TONSL: variants seen among roughly 807,000 people sequenced by gnomAD.
TONSL encodes the protein tonsoku-like protein.
In TONSL, 112 loss-of-function variants were observed where a neutral mutation model predicts 147.1. The ratio of observed to expected loss-of-function variants is 0.76; its 90% CI spans 0.65 to 0.89. The LOEUF (loss-of-function observed/expected upper bound fraction) is 0.89, where lower values mean the gene tolerates loss of function less well. TONSL is among the 40% of genes least tolerant of loss of function. The pLI, the probability that TONSL is intolerant of heterozygous loss-of-function variation, is 0.00. For synonymous variants in TONSL, 868 were observed against 801.5 expected (o/e 1.08, Z -1.40); for missense variants, 1,883 against 1,864.6 (o/e 1.01, Z -0.18).
chr8:144,433,065 C>T (rs1554879050), intron 22 of TONSL: 1 of 156,172 alleles, frequency 6.4e-6, no homozygotes, highest in Non-Finnish European at 1.4e-5. Context: ...GTCTGGCATC[C>T]CAGGCCCCTA....
chr8:144,432,311 C>T lies in TONSL; in HGVS notation c.3709G>A (p.Glu1237Lys). ...TTGGCCAGGTATCGGAATACAGGCT[C>T]CATGAGGTCCGAATCACCCTTGCCG... is the stretch of plus-strand genomic sequence containing the variant. ...AAGKGDSDLM[E>K]PVFRYLAKEG... Residue 1237 changes from glutamate (E) to lysine (K), a missense_variant, in exon 23 of 26, where the codon GAG becomes AAG. Glu to Lys is a moderately conservative substitution (Grantham distance 56). Coordinates refer to ENST00000409379, the MANE Select transcript of TONSL (RefSeq NM_013432.5). The T allele has an allele frequency of 6.2e-7, 1 of 1,613,794 alleles. No homozygotes were observed.
At chr8:144,442,583 C>T in intron 5 of TONSL, 94 bp downstream of exon 5, 1 of 1,529,180 alleles carries the variant, frequency 6.5e-7, no homozygotes, top group South Asian at 1.2e-5. Flanking sequence ...AGCCAGACTG[C>T]TCTCTCAGGA....
intron 24 of TONSL, among the ~76,000 whole-genome samples, 178 bp downstream of exon 24, chr8:144,430,900 G>A (rs1485147024): frequency 1.3e-5 from 2 of 152,258 alleles, no homozygotes; most frequent in African/African-American, 4.8e-5. Flanking sequence ...TAAGAAAGAA[G>A]CCAGAGGGTA....
intron 8 of TONSL, 44 bp downstream of exon 8, chr8:144,440,922 C>G: frequency 1.9e-6 from 3 of 1,612,704 alleles, no homozygotes; most frequent in Non-Finnish European, 2.5e-6. Flanking sequence ...CAGGCCTCGT[C>G]AACCTCACTG....
Position 144,435,930 on chromosome 8 carries a change from A to C in TONSL, c.2503T>G (p.Trp835Gly). Residue 835 changes from tryptophan to glycine, a missense_variant, in exon 17 of 26, where the codon TGG (tryptophan) becomes GGG (glycine). Transcript: ENST00000409379. ...IPEEECLAGDWLELDMPLTRS... is the reference protein window; with the variant it reads ...IPEEECLAGDGLELDMPLTRS... Reference sequence around the variant, plus strand: ...GTCAGGGGCATGTCCAGCTCCAGCCAGTCCCCGGCCAGGCACTCCTCCTCC... The same window carrying C: ...GTCAGGGGCATGTCCAGCTCCAGCCCGTCCCCGGCCAGGCACTCCTCCTCC... The C allele has an allele frequency of 6.3e-7, 1 of 1,575,756 alleles. No homozygotes were observed. Among genetic ancestry groups the C allele is most frequent in the Non-Finnish European group, 8.6e-7 (1 of 1,157,740 alleles).
intron 16 of TONSL, 41 bp from the exon 17 acceptor site, chr8:144,436,459 C>A: frequency 6.5e-7 from 1 of 1,539,808 alleles, no homozygotes; most frequent in Non-Finnish European, 8.7e-7. Context: ...GGGCCCGGCA[C>A]CTCCCGCTCC....
At position 144,432,271 on chromosome 8, in the gene TONSL, TC is replaced by T; in HGVS notation, c.3735+13del. The T allele has an allele frequency of 1.9e-6, 3 of 1,612,374 alleles. No homozygotes were observed. Among genetic ancestry groups the T allele is most frequent in the Admixed American group, 3.4e-5 (2 of 59,674 alleles). On this transcript the variant is annotated intron_variant, in intron 23 of 25. Coordinates refer to ENST00000409379, the MANE Select transcript of TONSL (RefSeq NM_013432.5). ...TGAGGCTCAGTATTTTCTGGGTTCT[TC>T]CCCACCTCGTACCTTGGCCAGGTAT...
chr8:144,434,644 C>T (rs1823357540), intron 20 of TONSL, among the ~76,000 whole-genome samples, 167 bp downstream of exon 20: 1 of 152,194 alleles, frequency 6.6e-6, no homozygotes, highest in African/African-American at 2.4e-5. Context: ...GAGGGCTGTC[C>T]TCTCCCTTCC....
chr8:144,434,245 G>C lies in TONSL; in HGVS notation c.3120C>G (p.Leu1040=). The C allele has an allele frequency of 6.5e-7, 1 of 1,527,976 alleles. No individual in the cohort carries two copies. The highest frequency in any genetic ancestry group is 8.8e-7 in the Non-Finnish European group (1 of 1,135,694). 94.7% of individuals were successfully genotyped at this position (1,527,976 alleles called of 1,614,324 possible). The part of the protein sequence containing the change: ...EHQQVLQAVE[L]QGLGLSFSAC... ...CGCTGAACGAGAGGCCCAAGCCCTG[G>C]AGCTCCACGGCCTGCAGCACCTGTT... Residue 1040 remains leucine, a synonymous_variant, in exon 21 of 26, where the codon CTC becomes CTG. Coordinates refer to ENST00000409379, the MANE Select transcript of TONSL (RefSeq NM_013432.5).
At position 144,443,210 on chromosome 8, in the gene TONSL, A is replaced by G. The variant is rs1354381915; in HGVS notation, c.376T>C (p.Ser126Pro). 1 of 1,550,756 alleles carries G rather than the reference A, an allele frequency of 6.4e-7. No individual in the cohort carries two copies. Among genetic ancestry groups the G allele is most frequent in the Non-Finnish European group, 8.7e-7 (1 of 1,146,956 alleles). The change falls in exon 4 of 26, where the codon TCG becomes CCG. Residue 126 changes from serine (S) to proline (P), a missense_variant. Transcript: ENST00000409379. The part of the protein sequence containing the change: ...THLDIYDHCQ[S>P]RDALLQAQAA... ...TGTGCCTGCAGCAAAGCATCCCTCG[A>G]CTGGCAGTGGTCATAGATGTCCAGG...
chr8:144,434,200 G>A lies in TONSL; in HGVS notation c.3165C>T (p.Asp1055=), dbSNP rs371974054. The A allele has an allele frequency of 7.3e-5, 116 of 1,585,372 alleles. No individual in the cohort carries two copies. Among genetic ancestry groups the A allele is most frequent in the Non-Finnish European group, 9.7e-5 (113 of 1,162,782 alleles). Residue 1055 remains aspartate (D), a synonymous_variant, in exon 21 of 26, where the codon GAC becomes GAT. Transcript: ENST00000409379. ...GCAGCAGGGGTGTAAGCTGGGCCTGGTCCAGGGCCAGGGAGCAGGCGCTGA... is the reference window on the plus strand; with the variant it reads ...GCAGCAGGGGTGTAAGCTGGGCCTGATCCAGGGCCAGGGAGCAGGCGCTGA... ...LSFSACSLAL[D]QAQLTPLLRA...
chr8:144,434,944 G>C, intron 19 of TONSL, 55 bp from the exon 20 acceptor site: 1 of 1,611,844 alleles, frequency 6.2e-7, no homozygotes, highest in South Asian at 1.1e-5. Flanking sequence ...CCTCATCATT[G>C]CTCTGCAGCC....
At chr8:144,432,034 G>T (rs1823221928) in intron 23 of TONSL, among the ~76,000 whole-genome samples, 1 of 151,698 alleles carries the variant, frequency 6.6e-6, no homozygotes, top group Non-Finnish European at 1.5e-5. Flanking sequence ...CACCATGTTG[G>T]CCAGGCTGCT....
chr8:144,429,247 A>G lies in TONSL; in HGVS notation c.4033T>C (p.Cys1345Arg), dbSNP rs1554878047. The G allele has an allele frequency of 6.5e-7, 1 of 1,531,546 alleles. No individual in the cohort carries two copies. Among genetic ancestry groups the G allele is most frequent in the Admixed American group, 2.0e-5 (1 of 50,464 alleles). 94.9% of individuals were successfully genotyped at this position (1,531,546 alleles called of 1,614,324 possible). A position where few individuals can be genotyped will look rare whatever the true frequency, so the allele number is the denominator to read the frequency against. ...RELQLCSRRL[C>R]AEDRDALRQL... ...CGCAGGGCGTCCCTGTCCTCAGCGCAGAGGCGTCTGCTGCACAGCTGCAGT... is the reference window on the plus strand; with the variant it reads ...CGCAGGGCGTCCCTGTCCTCAGCGCGGAGGCGTCTGCTGCACAGCTGCAGT... The change falls in exon 26 of 26, where the codon TGC becomes CGC. Residue 1345 changes from cysteine to arginine, a missense_variant. Coordinates refer to ENST00000409379, the MANE Select transcript of TONSL (RefSeq NM_013432.5).
At chr8:144,443,418 G>T in intron 3 of TONSL, 97 bp from the exon 4 acceptor site, 1 of 1,261,254 alleles carries the variant, frequency 7.9e-7, no homozygotes, top group Non-Finnish European at 1.1e-6. Flanking sequence ...TAAGGAAAGA[G>T]CCTGCTCCCC....
chr8:144,432,394 G>A lies in TONSL; in HGVS notation c.3626C>T (p.Thr1209Ile). ...GGTGCCGGCGGGCAGGCTCTGCAGG[G>A]TCCTGGCCAGGGCAGGGGCTCCCAG... ...NALGAPALAR[T>I]LQSLPAGTLL... is the part of the protein sequence containing the mutation. The change falls in exon 23 of 26, where the codon ACC becomes ATC. Residue 1209 changes from threonine to isoleucine, a missense_variant. Physicochemically the swap from Thr to Ile is moderately conservative, Grantham distance 89 (BLOSUM62 -1). Coordinates refer to ENST00000409379, the MANE Select transcript of TONSL (RefSeq NM_013432.5). 1.2e-6 allele frequency: 2 copies of A among 1,604,602 alleles called. No individual in the cohort carries two copies. The highest frequency in any genetic ancestry group is 8.5e-7 in the Non-Finnish European group (1 of 1,176,510).
rs113451496 is a variant in TONSL, at chr8:144,442,367, C to T, written c.624G>A (p.Leu208=). ...GGCCCGCGCGCCAGTGGATGGTGCC[C>T]AGGTTGTAGCGGGCGCGGAATAGGT... ...YEDLFRARYN[L]GTIHWRAGQH... The change falls in exon 6 of 26, where the codon CTG becomes CTA. Residue 208 remains leucine (L), a synonymous_variant. Transcript: ENST00000409379. 7 of 1,582,116 alleles carry T rather than the reference C, an allele frequency of 4.4e-6. 1 individual carries two copies. The African/African-American group carries it at 9.4e-5, about 21-fold the overall frequency.
Position 144,436,785 on chromosome 8 carries a change from C to T in TONSL, c.1862G>A (p.Gly621Glu). Reference protein sequence around the residue: ...FEVAELLLERGASVTLRTRKG... With the variant: ...FEVAELLLEREASVTLRTRKG... Reference sequence around the variant, plus strand: ...TCGAGTGCGGAGGGTGACGGACGCCCCCCGTTCAAGCAGCAGCTCAGCCAC... The same window carrying T: ...TCGAGTGCGGAGGGTGACGGACGCCTCCCGTTCAAGCAGCAGCTCAGCCAC... Residue 621 changes from glycine to glutamate, a missense_variant, in exon 15 of 26, where the codon GGG becomes GAG. Coordinates refer to ENST00000409379, the MANE Select transcript of TONSL (RefSeq NM_013432.5). The T allele has an allele frequency of 6.2e-7, 1 of 1,611,438 alleles. No individual in the cohort carries two copies. The highest frequency in any genetic ancestry group is 8.5e-7 in the Non-Finnish European group (1 of 1,179,810).
rs781842015 is a variant in TONSL at position 144,433,976 on chromosome 8, A to G, written c.3387+2T>C. 1 of 1,577,010 alleles carries G rather than the reference A, an allele frequency of 6.3e-7. No individual in the cohort carries two copies. The highest frequency in any genetic ancestry group is 8.6e-7 in the Non-Finnish European group (1 of 1,159,108). On this transcript the variant is annotated splice_donor_variant, in intron 21 of 25. Transcript: ENST00000409379. LOFTEE classifies it high-confidence loss of function. ...AGGGCCTGCTGCTCTCTGTGCCTATACCTGCAAGGTGGCTTGGCCTGGGAG... is the reference window on the plus strand; with the variant it reads ...AGGGCCTGCTGCTCTCTGTGCCTATGCCTGCAAGGTGGCTTGGCCTGGGAG...
Sources: allele counts gnomAD v4.1 joint callset (sites outside exome capture counted in the v4.1 genomes callset), GRCh38; gene constraint gnomAD v4.1.1; transcripts MANE v1.5; gene names NCBI Gene and HGNC (gene_info 2026-07-23, HGNC 2026-07-21).